The following CEMIP variants were observed in gnomAD, a reference collection of about 807,000 sequenced individuals.
CEMIP encodes the protein cell migration-inducing and hyaluronan-binding protein.
Under a neutral mutation model 156.9 loss-of-function variants are expected in CEMIP, and 105 were observed. The observed-to-expected ratio is 0.67, with a 90% CI of 0.57 to 0.79. The LOEUF is 0.79. Among genes scored for constraint, CEMIP ranks in the 30% least tolerant of loss-of-function variants. The pLI is 0.00. For missense variants in CEMIP, 1,457 were observed against 1,769.4 expected, an observed-to-expected ratio of 0.82 and a Z score of 3.17; for synonymous variants, 676 against 668.4, an observed-to-expected ratio of 1.01 and a Z score of -0.17.
At chr15:80,792,017 A>T (rs956136967) in intron 1 of CEMIP, among the ~76,000 whole-genome samples, 2 of 152,182 alleles carry the variant, frequency 1.3e-5, no homozygotes, top group African/African-American at 2.4e-5. Context: ...TCTGCACTGT[A>T]GTTGTCATCA....
At chr15:80,873,804 C>A in intron 2 of CEMIP, 60 bp from the exon 3 acceptor site, 1 of 1,234,800 alleles carries the variant, frequency 8.1e-7, no homozygotes, top group Non-Finnish European at 1.2e-6. Context: ...CATGTCGGCC[C>A]TGTATACTGA....
In CEMIP at chr15:80,895,899, C is replaced by A. The variant is rs752594779; in HGVS notation, c.1250C>A (p.Thr417Asn). The change falls in exon 12 of 30, where the codon ACC becomes AAC. Residue 417 changes from threonine to asparagine, a missense_variant. Coordinates refer to ENST00000394685, the MANE Select transcript of CEMIP (RefSeq NM_001293298.2). ...VRPKLTVTIDTNVNSTILNLE... is the reference protein window; with the variant it reads ...VRPKLTVTIDNNVNSTILNLE... ...CCCAAACTCACAGTCACCATTGACA[C>A]CAATGTGAACAGCACCATTCTGAAC... 1 of 1,614,136 alleles carries A rather than the reference C, an allele frequency of 6.2e-7. No individual in the cohort carries two copies. The highest frequency in any genetic ancestry group is 8.5e-7 in the Non-Finnish European group (1 of 1,180,032).
At chr15:80,790,266 A>C (rs1202929777) in intron 1 of CEMIP, among the ~76,000 whole-genome samples, 16 of 152,202 alleles carry the variant, frequency 1.1e-4, no homozygotes, top group Admixed American at 9.8e-4. Flanking sequence ...GCGTCTGAAC[A>C]CCAGCCCCCC....
At chr15:80,823,556 C>T (rs1477088378) in intron 1 of CEMIP, among the ~76,000 whole-genome samples, 1 of 152,114 alleles carries the variant, frequency 6.6e-6, no homozygotes, top group East Asian at 1.9e-4. Context: ...GACCCAGTCC[C>T]TTTCCCCTTC....
intron 17 of CEMIP, 104 bp from the exon 18 acceptor site, chr15:80,924,517 G>T: frequency 1.0e-6 from 1 of 960,436 alleles, no homozygotes; most frequent in Non-Finnish European, 1.7e-6. Flanking sequence ...GAACAGAGCT[G>T]GTTTTCCCGG....
chr15:80,780,266 T>A (rs953318230), intron 1 of CEMIP, among the ~76,000 whole-genome samples: 2 of 152,164 alleles, frequency 1.3e-5, no homozygotes, highest in African/African-American at 4.8e-5. Flanking sequence ...AAACGTGGCA[T>A]CGCTGGAAGA....
chr15:80,784,984 T>C (rs1456922008), intron 1 of CEMIP, among the ~76,000 whole-genome samples: 1 of 152,228 alleles, frequency 6.6e-6, no homozygotes, highest in Non-Finnish European at 1.5e-5. Flanking sequence ...TAATGACCCT[T>C]AAAATTCTTG....
chr15:80,849,932 G>A (rs1198645116), intron 1 of CEMIP, among the ~76,000 whole-genome samples: 1 of 152,228 alleles, frequency 6.6e-6, no homozygotes, highest in Non-Finnish European at 1.5e-5. Context: ...CCCAAGGTGT[G>A]ATGAGTTAGG....
intron 1 of CEMIP, among the ~76,000 whole-genome samples, chr15:80,797,889 TA>T (rs1210868072): frequency 6.6e-6 from 1 of 152,218 alleles, no homozygotes; most frequent in East Asian, 1.9e-4. Flanking sequence ...GGCCACTGTG[TA>T]GAAAGGAAAT....
chr15:80,888,708 A>G lies in CEMIP; in HGVS notation c.876A>G (p.Arg292=), dbSNP rs1898933912. 1.2e-5 allele frequency: 20 copies of G among 1,614,094 alleles called. No homozygotes were observed. The highest frequency in any genetic ancestry group is 1.6e-5 in the Non-Finnish European group (19 of 1,179,974). ...GTCTCGTTTCTCTGACAGGACATCG[A>G]GGCTCTGCTGCTGCCCGGGTATTCA... ...VEDHIEYHGH[R]GSAAARVFKL... The change falls in exon 9 of 30, where the codon CGA becomes CGG. Residue 292 remains arginine, a synonymous_variant. Transcript: ENST00000394685.
intron 15 of CEMIP, 32 bp downstream of exon 15, chr15:80,920,331 G>C: frequency 6.3e-7 from 1 of 1,591,508 alleles, no homozygotes; most frequent in Non-Finnish European, 8.6e-7. Flanking sequence ...TGTGTGCTGG[G>C]GGGAAGGGGT....
At chr15:80,820,262 AGTGGGCAGCCT>A (rs1212390244) in intron 1 of CEMIP, among the ~76,000 whole-genome samples, 2 of 152,200 alleles carry the variant, frequency 1.3e-5, no homozygotes, top group Non-Finnish European at 2.9e-5. Context: ...GTCAGAGGAA[AGTGGGCAGCCT>A]GTTCCTTATA....
rs1901752203 is a variant in CEMIP, at chr15:80,950,066, A to C, written c.*1142A>C. ...CCTGCCTCTGACTCCAAGAGGGTGA[A>C]GTCCACAGAAGTGAGCTCCTGCCTT... On this transcript the variant is annotated 3_prime_UTR_variant, in exon 30 of 30. Transcript: ENST00000394685. 6.6e-6 allele frequency: 1 copy of C among 152,348 alleles called. No individual in the cohort carries two copies. The highest frequency in any genetic ancestry group is 2.4e-5 in the African/African-American group (1 of 41,446). 9.4% of individuals were successfully genotyped at this position (152,348 alleles called of 1,614,324 possible). A position where few individuals can be genotyped will look rare whatever the true frequency, so the allele number is the denominator to read the frequency against.
intron 1 of CEMIP, among the ~76,000 whole-genome samples, chr15:80,869,579 T>G (rs981984986): frequency 2.0e-5 from 3 of 152,202 alleles, no homozygotes; most frequent in Non-Finnish European, 4.4e-5. Context: ...TGGTACCATC[T>G]CTTTATCTTC....
intron 1 of CEMIP, among the ~76,000 whole-genome samples, chr15:80,821,536 G>A (rs1183603682): frequency 2.0e-5 from 3 of 152,140 alleles, no homozygotes; most frequent in Non-Finnish European, 4.4e-5. Context: ...AAATAATAGG[G>A]TCCGAAAATA....
rs187006113 is a variant in CEMIP, at chr15:80,934,935, G to A, written c.3009+1475G>A. Among the ~76,000 whole-genome samples the A allele has an allele frequency of 9.2e-5, 14 of 152,320 alleles. No homozygotes were observed. The East Asian group carries it at 2.7e-3, about 29-fold the overall frequency. On this transcript the variant is annotated intron_variant, in intron 23 of 29. Coordinates refer to ENST00000394685, the MANE Select transcript of CEMIP (RefSeq NM_001293298.2). The stretch of plus-strand genomic sequence containing the variant: ...AACCTCCAGAGAGCGATAAAGATTT[G>A]GAAGAGTTGCTGTAGAGAGTGGAAA...
At chr15:80,796,911 A>G (rs16972377) in intron 1 of CEMIP, among the ~76,000 whole-genome samples, 106,053 of 152,006 alleles carry the variant, frequency 0.7, 37,830 homozygotes, top group Non-Finnish European at 0.77. Flanking sequence ...TGAACCTTAC[A>G]AAGTATAGTA....
At chr15:80,896,902 G>T (rs1425235373) in intron 12 of CEMIP, among the ~76,000 whole-genome samples, 2 of 152,202 alleles carry the variant, frequency 1.3e-5, no homozygotes, top group African/African-American at 4.8e-5. Flanking sequence ...AGGAACTAAT[G>T]GACTGTATCC....
intron 3 of CEMIP, among the ~76,000 whole-genome samples, chr15:80,876,831 T>C (rs1478934911): frequency 6.6e-6 from 1 of 152,206 alleles, no homozygotes; most frequent in Non-Finnish European, 1.5e-5. Context: ...ACTCTGGAGA[T>C]AGCTGAACAA....
Sources: gnomAD v4.1 joint callset for allele counts (sites outside exome capture counted in the v4.1 genomes callset) on GRCh38, gnomAD v4.1.1 for gene constraint, MANE v1.5 for transcripts, NCBI Gene and HGNC (gene_info 2026-07-23, HGNC 2026-07-21) for gene names.